Variants in PADI4 observed in about 807,000 individuals in gnomAD.
The protein encoded by PADI4 is protein-arginine deiminase type-4.
PADI4 carries 62 observed loss-of-function variants against 75.0 expected under a neutral mutation model. The ratio of observed to expected loss-of-function variants is 0.83; its 90% CI spans 0.67 to 1.02. PADI4 has a LOEUF of 1.02. Ranked by LOEUF, PADI4 falls within the 50% of genes least tolerant of loss-of-function variation. The pLI is 0.00. For synonymous variants in PADI4, 361 were observed against 348.1 expected, an observed-to-expected ratio of 1.04 and a Z score of -0.41; for missense variants, 845 against 850.5, an observed-to-expected ratio of 0.99 and a Z score of 0.08.
intron 1 of PADI4, among the ~76,000 whole-genome samples, chr1:17,315,127 T>C (rs1405747303): frequency 1.3e-5 from 2 of 152,128 alleles, no homozygotes; most frequent in Non-Finnish European, 2.9e-5. Flanking sequence ...AGATGTAGAA[T>C]GACGTCCTTG....
chr1:17,358,923 G>T lies in PADI4; in HGVS notation c.1629+15G>T, dbSNP rs747923523. On this transcript the variant is annotated intron_variant, in intron 14 of 15. Transcript: ENST00000375448. ...CATTTGTGGAGGTAGGAGCCTGGGT[G>T]CCTACACCCCAGCAGACCTGACGCC... The T allele has an allele frequency of 2.5e-6, 4 of 1,569,722 alleles. No individual in the cohort carries two copies. In the South Asian group the frequency reaches 3.4e-5, roughly 13 times the overall value.
Position 17,356,446 on chromosome 1 carries a change from C to A in PADI4, c.1545C>A (p.Phe515Leu), listed in dbSNP as rs766684610. The A allele has an allele frequency of 1.9e-6, 3 of 1,605,066 alleles. No individual in the cohort carries two copies. Among genetic ancestry groups the A allele is most frequent in the African/African-American group, 1.3e-5 (1 of 74,740 alleles). Residue 515 changes from phenylalanine to leucine, a missense_variant, in exon 13 of 16, where the codon TTC becomes TTA. Phe to Leu is a conservative substitution (Grantham distance 22). Transcript: ENST00000375448. This position sits in a 1 kb window ranked among gnomAD's most constrained non-coding sequence, Gnocchi z 4.1. ...QNEGHGEALL[F>L]EGIKKKKQQK... Reference sequence around the variant, plus strand: ...AGGGCCACGGGGAGGCCCTGCTGTTCGAAGGGATCAAGAGTAAGTCGGCCC... The same window carrying A: ...AGGGCCACGGGGAGGCCCTGCTGTTAGAAGGGATCAAGAGTAAGTCGGCCC...
chr1:17,308,968 T>G (rs1446473270), intron 1 of PADI4, among the ~76,000 whole-genome samples: 4 of 152,136 alleles, frequency 2.6e-5, no homozygotes, highest in Middle Eastern at 3.2e-3. Flanking sequence ...GGGCCCATCC[T>G]TGGTAGTTTT....
intron 2 of PADI4, among the ~76,000 whole-genome samples, chr1:17,332,793 C>T (rs1748036): frequency 0.03 from 4,601 of 152,216 alleles, 92 homozygotes; most frequent in Non-Finnish European, 0.047. Context: ...CAGAGCTTGA[C>T]TATCCAGGCA....
Position 17,363,632 on chromosome 1 carries a change from G to T in PADI4, c.1869G>T (p.Leu623=). The T allele has an allele frequency of 6.2e-7, 1 of 1,614,126 alleles. No individual in the cohort carries two copies. The highest frequency in any genetic ancestry group is 8.5e-7 in the Non-Finnish European group (1 of 1,179,954). The change falls in exon 16 of 16, where the codon CTG becomes CTT. Residue 623 remains leucine (L), a synonymous_variant. Transcript: ENST00000375448. ...EEKVCSLLEP[L]GLQCTFINDF... ...AGGTGTGTTCCCTGCTGGAGCCACT[G>T]GGCCTCCAGTGCACCTTCATCAACG...
At chr1:17,315,687 A>G (rs2073920685) in intron 1 of PADI4, among the ~76,000 whole-genome samples, 1 of 151,988 alleles carries the variant, frequency 6.6e-6, no homozygotes, top group African/African-American at 2.4e-5. Flanking sequence ...TGTGAGTTCA[A>G]CAGGAGAGAG....
Position 17,338,953 on chromosome 1 carries a change from C to T in PADI4, c.527-735C>T, listed in dbSNP as rs1011008800. Among the ~76,000 whole-genome samples the T allele has an allele frequency of 4.6e-5, 7 of 152,252 alleles. No individual in the cohort carries two copies. The East Asian group carries it at 5.8e-4, about 13-fold the overall frequency. Reference sequence around the variant, plus strand: ...CAGCCTCTGTACAGTGCCTGACATGCGGTAATAATCACAACAGCTGTCCTT... The same window carrying T: ...CAGCCTCTGTACAGTGCCTGACATGTGGTAATAATCACAACAGCTGTCCTT... On this transcript the variant is annotated intron_variant, in intron 5 of 15. Transcript: ENST00000375448.
intron 8 of PADI4, among the ~76,000 whole-genome samples, chr1:17,344,612 C>T (rs1336240335): frequency 6.6e-6 from 1 of 152,210 alleles, no homozygotes; most frequent in Non-Finnish European, 1.5e-5. Context: ...GCCCTGCATC[C>T]CAGCTGCTCC....
Position 17,340,048 on chromosome 1 carries a change from G to A in PADI4, c.652+235G>A, listed in dbSNP as rs984772075. On this transcript the variant is annotated intron_variant, in intron 6 of 15. Coordinates refer to ENST00000375448, the MANE Select transcript of PADI4 (RefSeq NM_012387.3). ...TTCTTTCTCTCTCTCTCACACACGC[G>A]CGCGCACACACACACACACACACAC... Among the ~76,000 whole-genome samples the A allele has an allele frequency of 5.4e-3, 466 of 86,342 alleles. 3 individuals are homozygous for A. Among genetic ancestry groups the A allele is most frequent in the African/African-American group, 0.019 (437 of 23,176 alleles). 56.6% of individuals were successfully genotyped at this position (86,342 alleles called of 152,430 possible).
intron 4 of PADI4, among the ~76,000 whole-genome samples, chr1:17,337,400 C>T (rs1445455372): frequency 6.6e-6 from 1 of 152,118 alleles, no homozygotes; most frequent in Admixed American, 6.5e-5. Flanking sequence ...CCTGCCTCAG[C>T]CTCCCAAAGT....
chr1:17,344,922 T>C (rs765680597), intron 8 of PADI4, among the ~76,000 whole-genome samples: 14 of 152,154 alleles, frequency 9.2e-5, no homozygotes, highest in Non-Finnish European at 1.5e-4. Flanking sequence ...AGTGGAGTTG[T>C]GAGAAGAGGG....
At chr1:17,339,888 GAT>G (rs1391160078) in intron 6 of PADI4, 75 bp downstream of exon 6, 1 of 1,479,362 alleles carries the variant, frequency 6.8e-7, no homozygotes, top group Non-Finnish European at 9.2e-7. Flanking sequence ...CTGTGTGGCA[GAT>G]AAATCCTGAG....
intron 1 of PADI4, among the ~76,000 whole-genome samples, chr1:17,324,285 G>A (rs184680025): frequency 2.4e-4 from 37 of 151,294 alleles, no homozygotes; most frequent in Middle Eastern, 3.4e-3. Context: ...TTTCTTTATG[G>A]TGTTAACCTT....
chr1:17,363,014 C>G (rs2352842), intron 15 of PADI4, among the ~76,000 whole-genome samples: 118,143 of 152,020 alleles, frequency 0.78, 46,878 homozygotes, highest in African/African-American at 0.94. Flanking sequence ...ACGGGGTTTC[C>G]CCATGTTGGC....
chr1:17,344,473 A>T (rs2074479613), intron 8 of PADI4, among the ~76,000 whole-genome samples: 1 of 152,244 alleles, frequency 6.6e-6, no homozygotes, highest in Admixed American at 6.5e-5. Flanking sequence ...GCAATGAGGA[A>T]AATGTCTCCA....
chr1:17,341,249 C>T (rs1235775415), intron 6 of PADI4, among the ~76,000 whole-genome samples: 1 of 152,086 alleles, frequency 6.6e-6, no homozygotes, highest in Non-Finnish European at 1.5e-5. Context: ...TAGGCATCCA[C>T]CACAATGCCT....
intron 6 of PADI4, 75 bp from the exon 7 acceptor site, chr1:17,341,868 G>T: frequency 8.7e-7 from 1 of 1,151,670 alleles, no homozygotes; most frequent in South Asian, 1.4e-5. Flanking sequence ...AAGGCTTCTG[G>T]GGAGCACTAA....
chr1:17,321,021 A>C (rs2074023702), intron 1 of PADI4, among the ~76,000 whole-genome samples: 1 of 152,158 alleles, frequency 6.6e-6, no homozygotes, highest in Non-Finnish European at 1.5e-5. Context: ...ACATCTTCAC[A>C]GGTTTGGGGG....
intron 1 of PADI4, among the ~76,000 whole-genome samples, chr1:17,315,876 C>T (rs2073924181): frequency 1.3e-5 from 2 of 151,996 alleles, no homozygotes; most frequent in South Asian, 4.1e-4. Flanking sequence ...TCTCAACCCC[C>T]AGTCCCCACC....
Sources: allele counts gnomAD v4.1 joint callset (sites outside exome capture counted in the v4.1 genomes callset), GRCh38; gene constraint gnomAD v4.1.1; non-coding constraint Gnocchi (gnomAD v3.1); transcripts MANE v1.5; gene names NCBI Gene and HGNC (gene_info 2026-07-23, HGNC 2026-07-21).